Variants in AUTS2 observed in about 807,000 individuals in gnomAD.
AUTS2 encodes autism susceptibility gene 2 protein.
A neutral mutation model predicts 112.4 loss-of-function variants in AUTS2; 17 were observed. That is an observed-to-expected ratio of 0.15 (90% CI 0.10 to 0.23). The LOEUF (loss-of-function observed/expected upper bound fraction) is 0.23. AUTS2 is among the 10% of genes least tolerant of loss of function. AUTS2 has a pLI of 1.00. For missense variants in AUTS2, 1,510 were observed against 1,701.6 expected (o/e 0.89, Z 1.98); for synonymous variants, 751 against 702.7 (o/e 1.07, Z -1.09).
chr7:69,689,640 TTTTATTTATTTATTTATTTA>T (rs56128460), intron 1 of AUTS2, among the ~76,000 whole-genome samples: 35,485 of 119,148 alleles, frequency 0.3, 6,199 homozygotes, highest in African/African-American at 0.46. Flanking sequence ...GCACCCGGCC[TTTTATTTATTTATTTATTTA>T]TTTATTTATT....
chr7:70,232,822 G>T (rs758852280), intron 4 of AUTS2, among the ~76,000 whole-genome samples: 2 of 152,176 alleles, frequency 1.3e-5, no homozygotes, highest in African/African-American at 2.4e-5. Context: ...TCAAAGGCCT[G>T]TATTTAATAA....
At chr7:70,152,774 C>T (rs747895924) in intron 4 of AUTS2, among the ~76,000 whole-genome samples, 59 of 152,008 alleles carry the variant, frequency 3.9e-4, no homozygotes, top group Non-Finnish European at 6.6e-4. Context: ...TTAATTATTA[C>T]ATAAAAGCAA....
At chr7:69,630,879 G>A (rs1230588770) in intron 1 of AUTS2, among the ~76,000 whole-genome samples, 2 of 151,986 alleles carry the variant, frequency 1.3e-5, no homozygotes, top group African/African-American at 2.4e-5. Context: ...GGAAGCCACT[G>A]AGATACAGAA....
intron 14 of AUTS2, among the ~76,000 whole-genome samples, chr7:70,780,083 A>G (rs982980323): frequency 6.6e-6 from 1 of 151,946 alleles, no homozygotes; most frequent in Non-Finnish European, 1.5e-5. Context: ...GTGAAAACCC[A>G]GGAGACTGAT....
intron 5 of AUTS2, among the ~76,000 whole-genome samples, chr7:70,526,238 G>A (rs1326625457): frequency 1.3e-5 from 2 of 152,166 alleles, no homozygotes; most frequent in East Asian, 1.9e-4. Flanking sequence ...GTCACATAAA[G>A]AGGTTGCCCT....
intron 6 of AUTS2, among the ~76,000 whole-genome samples, chr7:70,734,549 C>G (rs922595920): frequency 1.3e-5 from 2 of 151,972 alleles, no homozygotes; most frequent in African/African-American, 4.8e-5. Flanking sequence ...TGAGGTTTGG[C>G]GGGACATATG....
intron 1 of AUTS2, among the ~76,000 whole-genome samples, chr7:69,879,818 G>T (rs1793965007): frequency 6.6e-6 from 1 of 151,716 alleles, no homozygotes; most frequent in African/African-American, 2.4e-5. Flanking sequence ...TATTTTTTTT[G>T]AGACAAGGTC....
intron 5 of AUTS2, among the ~76,000 whole-genome samples, chr7:70,622,889 GGGTT>G (rs1027801311): frequency 7.9e-5 from 12 of 152,262 alleles, no homozygotes; most frequent in Admixed American, 3.9e-4. Context: ...CAAGAGTTGG[GGGTT>G]GGCCAAAATG....
At chr7:69,695,470 A>G (rs1212389807) in intron 1 of AUTS2, among the ~76,000 whole-genome samples, 4 of 152,208 alleles carry the variant, frequency 2.6e-5, no homozygotes, top group Non-Finnish European at 5.9e-5. Context: ...AAAAATTATT[A>G]ACTGTTTGAA....
chr7:70,581,648 A>G lies in AUTS2; in HGVS notation c.691-116921A>G, dbSNP rs1004281538. Among the ~76,000 whole-genome samples, 3 of 151,372 alleles carry G rather than the reference A, an allele frequency of 2.0e-5. No individual in the cohort carries two copies. The East Asian group carries it at 5.9e-4, about 30-fold the overall frequency. ...GTTTGTTACCCACCACAGTACTCTC[A>G]CCCACCTGACCCCTTCTCCCTATCC... On this transcript the variant is annotated intron_variant, in intron 5 of 18. Coordinates refer to ENST00000342771, the MANE Select transcript of AUTS2 (RefSeq NM_015570.4).
At chr7:70,297,713 C>T (rs566210292) in intron 4 of AUTS2, among the ~76,000 whole-genome samples, 21 of 152,206 alleles carry the variant, frequency 1.4e-4, no homozygotes, top group African/African-American at 4.8e-4. Context: ...GGATTACAGG[C>T]GTGAGCCACC....
intron 4 of AUTS2, among the ~76,000 whole-genome samples, chr7:70,206,817 A>G (rs1810598122): frequency 1.3e-5 from 2 of 152,216 alleles, no homozygotes; most frequent in African/African-American, 4.8e-5. Flanking sequence ...TTGGAAAAAC[A>G]TTTGTTGTAT....
intron 4 of AUTS2, among the ~76,000 whole-genome samples, chr7:70,255,705 G>A (rs1397558989): frequency 2.0e-5 from 3 of 151,914 alleles, no homozygotes; most frequent in African/African-American, 7.3e-5. Context: ...TGTTTTGGTG[G>A]GTTTTATTCA....
intron 2 of AUTS2, among the ~76,000 whole-genome samples, chr7:69,926,812 A>C (rs1796033743): frequency 6.8e-6 from 1 of 146,744 alleles, no homozygotes; most frequent in South Asian, 2.1e-4. Flanking sequence ...ATATATAAAG[A>C]TATATAAGAT....
chr7:69,870,158 A>G (rs1209994686), intron 1 of AUTS2, among the ~76,000 whole-genome samples: 3 of 151,948 alleles, frequency 2.0e-5, no homozygotes, highest in African/African-American at 7.2e-5. Flanking sequence ...AACTAACTTT[A>G]TTGTAAATCA....
intron 4 of AUTS2, among the ~76,000 whole-genome samples, chr7:70,318,993 T>C (rs1790128404): frequency 2.0e-5 from 3 of 152,186 alleles, no homozygotes; most frequent in Admixed American, 2.0e-4. Context: ...GGAAGGGTCT[T>C]GTAAAAGTGG....
intron 8 of AUTS2, 34 bp downstream of exon 8, chr7:70,765,039 C>T (rs758059365): frequency 6.2e-7 from 1 of 1,610,234 alleles, no homozygotes; most frequent in Admixed American, 1.7e-5. Flanking sequence ...GTGACCCCGA[C>T]CCCCACCGCC....
At chr7:70,562,106 C>A (rs1354988352) in intron 5 of AUTS2, among the ~76,000 whole-genome samples, 1 of 152,198 alleles carries the variant, frequency 6.6e-6, no homozygotes, top group Non-Finnish European at 1.5e-5. Context: ...CTCCCTGAAG[C>A]CCTCACCAGA....
At chr7:69,626,623 A>G (rs961282378) in intron 1 of AUTS2, among the ~76,000 whole-genome samples, 1 of 152,222 alleles carries the variant, frequency 6.6e-6, no homozygotes, top group Non-Finnish European at 1.5e-5. Flanking sequence ...TTCTAGGCCT[A>G]TCAGAGGTGC....
Sources: allele counts gnomAD v4.1 joint callset (sites outside exome capture counted in the v4.1 genomes callset), GRCh38; gene constraint gnomAD v4.1.1; transcripts MANE v1.5; gene names NCBI Gene and HGNC (gene_info 2026-07-23, HGNC 2026-07-21).